Variants in USP12 observed in about 807,000 individuals in gnomAD.
The protein encoded by USP12 is ubiquitin specific peptidase 12, also known as ubiquitin carboxyl-terminal hydrolase 12.
USP12 carries 19 observed loss-of-function variants against 45.5 expected under a neutral mutation model. The observed-to-expected ratio is 0.42, with a 90% CI of 0.29 to 0.61. The LOEUF is 0.61. Ranked by LOEUF, USP12 falls within the 20% of genes least tolerant of loss-of-function variation. USP12 has a pLI of 0.22. For synonymous variants in USP12, 149 were observed against 148.8 expected (o/e 1.00, Z -0.01); for missense variants, 242 against 447.7 (o/e 0.54, Z 4.15).
chr13:27,090,825 C>A (rs1385274055), intron 4 of USP12, among the ~76,000 whole-genome samples: 1 of 152,168 alleles, frequency 6.6e-6, no homozygotes, highest in Non-Finnish European at 1.5e-5. Context: ...AATGCTTTCC[C>A]ATTTTAATAC....
chr13:27,126,530 A>G (rs1266435319), intron 1 of USP12, among the ~76,000 whole-genome samples: 3 of 152,222 alleles, frequency 2.0e-5, no homozygotes, highest in Non-Finnish European at 2.9e-5. Flanking sequence ...TACAAAGAGT[A>G]GGCATTTAAA....
chr13:27,097,015 C>T (rs1275167744), intron 3 of USP12, among the ~76,000 whole-genome samples: 1 of 151,574 alleles, frequency 6.6e-6, no homozygotes, highest in African/African-American at 2.4e-5. Flanking sequence ...AAAGTGAAAC[C>T]TGAAAATTAT....
At chr13:27,103,607 A>AAAATAAATAAT (rs372985958) in intron 3 of USP12, among the ~76,000 whole-genome samples, 1 of 128,520 alleles carries the variant, frequency 7.8e-6, no homozygotes, top group Non-Finnish European at 1.6e-5. Context: ...TCAAAAAAAA[A>AAAATAAATAAT]AATAATAATA....
At chr13:27,137,951 C>T (rs575585632) in intron 1 of USP12, among the ~76,000 whole-genome samples, 6 of 152,326 alleles carry the variant, frequency 3.9e-5, no homozygotes, top group African/African-American at 1.4e-4. Context: ...GGGCAGCTGC[C>T]AACTAGGAAC....
At chr13:27,109,683 C>T (rs1263436961) in intron 2 of USP12, among the ~76,000 whole-genome samples, 3 of 151,826 alleles carry the variant, frequency 2.0e-5, no homozygotes, top group Non-Finnish European at 4.4e-5. Context: ...TTTGGGAGGC[C>T]GAGGTGGGTG....
At chr13:27,109,693 GGATT>G (rs1239466600) in intron 2 of USP12, among the ~76,000 whole-genome samples, 1 of 151,970 alleles carries the variant, frequency 6.6e-6, no homozygotes, top group East Asian at 1.9e-4. Flanking sequence ...CGAGGTGGGT[GGATT>G]AAGGTCAGGA....
chr13:27,069,941 C>T (rs542200782), intron 8 of USP12, among the ~76,000 whole-genome samples: 1 of 152,096 alleles, frequency 6.6e-6, no homozygotes, highest in East Asian at 1.9e-4. Flanking sequence ...GACTGTCTCC[C>T]AAAACAACAA....
intron 7 of USP12, among the ~76,000 whole-genome samples, chr13:27,074,391 C>T (rs1050438040): frequency 1.3e-5 from 2 of 151,474 alleles, no homozygotes; most frequent in African/African-American, 4.9e-5. Context: ...CAGAGCAAGA[C>T]TCCATCTCAA....
chr13:27,131,166 C>T (rs540169433), intron 1 of USP12, among the ~76,000 whole-genome samples: 1 of 152,336 alleles, frequency 6.6e-6, no homozygotes, highest in African/African-American at 2.4e-5. Context: ...AATATGGGAA[C>T]TTGAGTGTGG....
intron 3 of USP12, among the ~76,000 whole-genome samples, chr13:27,101,499 C>T (rs1316905986): frequency 6.6e-6 from 1 of 152,200 alleles, no homozygotes; most frequent in Non-Finnish European, 1.5e-5. Context: ...GTGCCAGGAA[C>T]TGGATTATGT....
At chr13:27,107,177 T>C (rs961415886) in intron 2 of USP12, among the ~76,000 whole-genome samples, 2 of 152,132 alleles carry the variant, frequency 1.3e-5, no homozygotes, top group African/African-American at 2.4e-5. Flanking sequence ...ATACAAAAAT[T>C]AGCTAGGCAT....
At position 27,075,177 on chromosome 13, in the gene USP12, G is replaced by T; in HGVS notation, c.932+14C>A. The T allele has an allele frequency of 6.2e-7, 1 of 1,613,482 alleles. No individual in the cohort carries two copies. The highest frequency in any genetic ancestry group is 1.3e-5 in the African/African-American group (1 of 74,982). On this transcript the variant is annotated intron_variant, in intron 7 of 8. Transcript: ENST00000282344. Reference sequence around the variant, plus strand: ...CTAGGAATTCCACTACTATGTCCCCGGAGTTGCAATTACCTTCCACAGTGA... The same window carrying T: ...CTAGGAATTCCACTACTATGTCCCCTGAGTTGCAATTACCTTCCACAGTGA...
At chr13:27,162,421 C>T (rs1566008736) in intron 1 of USP12, among the ~76,000 whole-genome samples, 1 of 152,182 alleles carries the variant, frequency 6.6e-6, no homozygotes, top group Non-Finnish European at 1.5e-5. Flanking sequence ...GTTTGCATGT[C>T]TAGAAATTTG....
intron 6 of USP12, among the ~76,000 whole-genome samples, chr13:27,084,755 C>A (rs1873935777): frequency 6.6e-6 from 1 of 152,074 alleles, no homozygotes; most frequent in Non-Finnish European, 1.5e-5. Flanking sequence ...CTATATATGT[C>A]TTTAGGCCAG....
intron 1 of USP12, among the ~76,000 whole-genome samples, chr13:27,126,666 C>T (rs1272384102): frequency 6.6e-6 from 1 of 152,174 alleles, no homozygotes; most frequent in Non-Finnish European, 1.5e-5. Flanking sequence ...CCTCAGTTTT[C>T]TCATCAGCAA....
intron 6 of USP12, among the ~76,000 whole-genome samples, chr13:27,085,162 T>C (rs1475962037): frequency 4.2e-5 from 1 of 23,582 alleles, no homozygotes; most frequent in Admixed American, 3.2e-4. Flanking sequence ...GTTTTCTTTT[T>C]TCTTTCTTTC....
At chr13:27,105,004 A>T (rs554908811) in intron 3 of USP12, among the ~76,000 whole-genome samples, 1 of 152,336 alleles carries the variant, frequency 6.6e-6, no homozygotes, top group South Asian at 2.1e-4. Context: ...CTGGGCTTAC[A>T]TATCAGGGAG....
rs1873007560 is a variant in USP12, at chr13:27,066,639, T to C, written c.*2644A>G. 1 of 152,212 alleles carries C rather than the reference T, an allele frequency of 6.6e-6. No individual in the cohort carries two copies. Among genetic ancestry groups the C allele is most frequent in the South Asian group, 2.1e-4 (1 of 4,834 alleles). 9.4% of individuals were successfully genotyped at this position (152,212 alleles called of 1,614,324 possible). A position where few individuals can be genotyped will look rare whatever the true frequency, so the allele number is the denominator to read the frequency against. On this transcript the variant is annotated 3_prime_UTR_variant, in exon 9 of 9. Coordinates refer to ENST00000282344, the MANE Select transcript of USP12 (RefSeq NM_182488.4). The stretch of plus-strand genomic sequence containing the variant: ...TAAAATTTCCAAGACAGAAGCCATG[T>C]GACTTAAGAAGTGGGACTTAATTTA...
chr13:27,090,064 A>T lies in USP12; in HGVS notation c.650+18T>A, dbSNP rs201634442. 3.2e-5 allele frequency: 51 copies of T among 1,579,982 alleles called. No individual in the cohort carries two copies. Among genetic ancestry groups the T allele is most frequent in the Non-Finnish European group, 4.0e-5 (46 of 1,157,762 alleles). ...AAAAATAATTATTAAATTTCAAACT[A>T]AATAATTCTACATATACCTTAAGCA... On this transcript the variant is annotated intron_variant, in intron 5 of 8. Coordinates refer to ENST00000282344, the MANE Select transcript of USP12 (RefSeq NM_182488.4).
Sources: gnomAD v4.1 joint callset for allele counts (sites outside exome capture counted in the v4.1 genomes callset) on GRCh38, gnomAD v4.1.1 for gene constraint, MANE v1.5 for transcripts, NCBI Gene and HGNC (gene_info 2026-07-23, HGNC 2026-07-21) for gene names.